Variants in EEIG2 observed in about 807,000 individuals in gnomAD.
EEIG2 encodes the protein family with sequence similarity 102 member B.
chr1:108,599,142 G>A, the EEIG2 span, among the ~76,000 whole-genome samples: 6 of 151,936 alleles, frequency 3.9e-5, no homozygotes, highest in African/African-American at 1.2e-4. Flanking sequence ...TCCAGCCTGG[G>A]TGACAGAGTG....
At chr1:108,578,543 A>G in the EEIG2 span, among the ~76,000 whole-genome samples, 2 of 146,550 alleles carry the variant, frequency 1.4e-5, no homozygotes, top group Non-Finnish European at 3.0e-5. Context: ...CTTTTTCTGC[A>G]TCTATTGAGA....
the EEIG2 span, chr1:108,631,160 T>A: frequency 2.5e-6 from 1 of 392,652 alleles, no homozygotes; most frequent in Non-Finnish European, 5.1e-6. Flanking sequence ...TAACTGTTTC[T>A]TGGGCCAATT....
chr1:108,621,282 C>A, the EEIG2 span, among the ~76,000 whole-genome samples: 1 of 152,136 alleles, frequency 6.6e-6, no homozygotes, highest in Non-Finnish European at 1.5e-5. Flanking sequence ...TGGCACATGG[C>A]AAGCACTCAG....
At chr1:108,611,060 G>A in the EEIG2 span, among the ~76,000 whole-genome samples, 1 of 152,184 alleles carries the variant, frequency 6.6e-6, no homozygotes, top group South Asian at 2.1e-4. Flanking sequence ...TGGCCCTTCA[G>A]CTGCTCTCTG....
chr1:108,592,191 C>T, the EEIG2 span, among the ~76,000 whole-genome samples: 1 of 152,206 alleles, frequency 6.6e-6, no homozygotes, highest in African/African-American at 2.4e-5. Context: ...GTGCTAGACA[C>T]AGGAAAGGGC....
the EEIG2 span, chr1:108,625,360 CAAGGTTGCAGGAGGAA>C: frequency 6.6e-6 from 1 of 152,226 alleles, no homozygotes; most frequent in Non-Finnish European, 1.5e-5. Flanking sequence ...GGGATAATGT[CAAGGTTGCAGGAGGAA>C]AAGGACTTAG....
chr1:108,581,597 C>T, the EEIG2 span, among the ~76,000 whole-genome samples: 1 of 152,100 alleles, frequency 6.6e-6, no homozygotes, highest in African/African-American at 2.4e-5. Context: ...TTGAGGGAGT[C>T]AAGACTTCAC....
the EEIG2 span, chr1:108,628,550 G>A: frequency 6.2e-7 from 1 of 1,612,830 alleles, no homozygotes; most frequent in Non-Finnish European, 8.5e-7. Flanking sequence ...TGATACAGCT[G>A]ATAAAGAAGA....
the EEIG2 span, chr1:108,560,353 G>T: frequency 3.7e-6 from 5 of 1,356,918 alleles, no homozygotes; most frequent in Non-Finnish European, 9.6e-7. Context: ...ATGGGGCTGG[G>T]CTGATCCGGG....
At chr1:108,563,008 G>A in the EEIG2 span, among the ~76,000 whole-genome samples, 2 of 152,286 alleles carry the variant, frequency 1.3e-5, no homozygotes, top group African/African-American at 4.8e-5. Flanking sequence ...AAAGTCAGGT[G>A]TAGTTAACAC....
chr1:108,573,255 T>G, the EEIG2 span, among the ~76,000 whole-genome samples: 1 of 152,226 alleles, frequency 6.6e-6, no homozygotes, highest in South Asian at 2.1e-4. Flanking sequence ...GCAAATGATT[T>G]ACCCAACATT....
the EEIG2 span, among the ~76,000 whole-genome samples, chr1:108,604,207 A>G: frequency 6.6e-6 from 1 of 152,216 alleles, no homozygotes; most frequent in East Asian, 1.9e-4. Context: ...GTGGGATTGG[A>G]CGCAGTAGAT....
the EEIG2 span, chr1:108,606,340 T>G: frequency 1.2e-6 from 1 of 867,862 alleles, no homozygotes; most frequent in East Asian, 2.8e-5. Context: ...TTTACTCTTC[T>G]AATATCTGTT....
At chr1:108,576,958 GT>G in the EEIG2 span, among the ~76,000 whole-genome samples, 1 of 151,440 alleles carries the variant, frequency 6.6e-6, no homozygotes, top group Middle Eastern at 3.4e-3. Flanking sequence ...TCCAGCACCT[GT>G]TGTTTCCTGA....
At chr1:108,576,835 T>C in the EEIG2 span, among the ~76,000 whole-genome samples, 1 of 152,140 alleles carries the variant, frequency 6.6e-6, no homozygotes, top group South Asian at 2.1e-4. Flanking sequence ...CTGGGTCAAA[T>C]GGTATTTCTA....
At chr1:108,626,896 C>A in the EEIG2 span, 1 of 152,208 alleles carries the variant, frequency 6.6e-6, no homozygotes, top group Admixed American at 6.5e-5. Flanking sequence ...GGTTAACCTC[C>A]TCTGTTACCA....
At chr1:108,621,500 C>T in the EEIG2 span, among the ~76,000 whole-genome samples, 1 of 152,198 alleles carries the variant, frequency 6.6e-6, no homozygotes, top group Non-Finnish European at 1.5e-5. Flanking sequence ...TTTTTGAGAC[C>T]GCAGAACAAG....
chr1:108,564,259 T>TG, the EEIG2 span, among the ~76,000 whole-genome samples: 71 of 141,308 alleles, frequency 5.0e-4, 1 homozygote, highest in Non-Finnish European at 7.7e-5. Flanking sequence ...CAAGGTTGGG[T>TG]GGGGGGGAAA....
At chr1:108,597,475 C>T in the EEIG2 span, among the ~76,000 whole-genome samples, 2 of 152,216 alleles carry the variant, frequency 1.3e-5, no homozygotes, top group Non-Finnish European at 2.9e-5. Flanking sequence ...ACATCTCAGT[C>T]ATCTGCAGGA....
Sources: allele counts gnomAD v4.1 joint callset (sites outside exome capture counted in the v4.1 genomes callset), GRCh38; gene constraint gnomAD v4.1.1; transcripts MANE v1.5; gene names NCBI Gene and HGNC (gene_info 2026-07-23, HGNC 2026-07-21).